The following CAMK1 variants were observed in gnomAD, a reference collection of about 807,000 sequenced individuals.
CAMK1 encodes calcium/calmodulin-dependent protein kinase type 1.
Under a neutral mutation model 49.1 loss-of-function variants are expected in CAMK1, and 39 were observed. The observed-to-expected ratio is 0.79, with a 90% CI of 0.62 to 1.04. CAMK1 has a LOEUF of 1.04. Ranked by LOEUF, CAMK1 falls within the 50% of genes least tolerant of loss-of-function variation. The pLI, the probability that CAMK1 is intolerant of heterozygous loss-of-function variation, is 0.00. For synonymous variants in CAMK1, 192 were observed against 185.2 expected (o/e 1.04, Z -0.30); for missense variants, 457 against 472.2 (o/e 0.97, Z 0.30).
chr3:9,757,777 G>A lies in CAMK1; in HGVS notation c.982C>T (p.Gln328Ter). Residue 328 changes from glutamine to a stop codon, truncating the protein, a stop_gained, in exon 11 of 12, where the codon CAG (glutamine) becomes TAG (stop). Coordinates refer to ENST00000256460, the MANE Select transcript of CAMK1 (RefSeq NM_003656.5). LOFTEE classifies it high-confidence loss of function. The surrounding 1 kb of genome is among the most constrained non-coding windows in gnomAD (Gnocchi z 4.5). The part of the protein sequence containing the change: ...KLQLGTSQEG[Q>*]GQTASHGELL... ...TCCCCATGGCTCGCCGTCTGCCCCT[G>A]CCCCTCCTGGCTGGTGCCCAGCTGC... 7 of 1,614,090 alleles carry A rather than the reference G, an allele frequency of 4.3e-6. No homozygotes were observed. Among genetic ancestry groups the A allele is most frequent in the Non-Finnish European group, 5.9e-6 (7 of 1,179,992 alleles).
At chr3:9,768,765 T>G (rs759257508) in intron 1 of CAMK1, among the ~76,000 whole-genome samples, 1 of 152,154 alleles carries the variant, frequency 6.6e-6, no homozygotes, top group African/African-American at 2.4e-5. Context: ...CCTTCTCTCT[T>G]TTTCTCTAAG....
intron 7 of CAMK1, chr3:9,761,160 C>G: frequency 2.8e-6 from 1 of 358,574 alleles, no homozygotes; most frequent in Non-Finnish European, 5.1e-6. Flanking sequence ...TATCACCTGA[C>G]GTCAGTTTGT....
At chr3:9,762,644 C>T (rs751862710) in intron 5 of CAMK1, among the ~76,000 whole-genome samples, 86 of 151,704 alleles carry the variant, frequency 5.7e-4, no homozygotes, top group Non-Finnish European at 9.4e-4. Context: ...GGATTACAGG[C>T]GTGAGCCATC....
At position 9,769,915 on chromosome 3, in the gene CAMK1, C is replaced by G. The variant is rs2078265574; in HGVS notation, c.-116G>C. On this transcript the variant is annotated 5_prime_UTR_variant, in exon 1 of 12. Transcript: ENST00000256460. ...TGGCCGCGGTCCTCACCGCTGCGTG[C>G]CTGGGCCACCCGCCCGCGCTCTTGC... 6.6e-6 allele frequency: 1 copy of G among 152,244 alleles called. No individual in the cohort carries two copies. The highest frequency in any genetic ancestry group is 2.1e-4 in the South Asian group (1 of 4,832). 9.4% of individuals were successfully genotyped at this position (152,244 alleles called of 1,614,324 possible).
chr3:9,762,809 C>T (rs777808889), intron 5 of CAMK1, 105 bp downstream of exon 5: 23 of 1,124,948 alleles, frequency 2.0e-5, no homozygotes, highest in Non-Finnish European at 2.9e-5. Flanking sequence ...GATGGAAATC[C>T]AAGGCTCAGT....
chr3:9,764,611 G>GTTTTTTTTT (rs1310854701), intron 3 of CAMK1, among the ~76,000 whole-genome samples: 2 of 125,148 alleles, frequency 1.6e-5, no homozygotes, highest in Non-Finnish European at 3.2e-5. Flanking sequence ...TGCGCCTGGC[G>GTTTTTTTTT]TTTTTGTTTT....
rs746178146 is a variant in CAMK1 at position 9,767,690 on chromosome 3, G to A, written c.60C>T (p.Tyr20=). ...ACGTGCCCAGAACATCTCGGAAGTC[G>A]TAGATGTCTCTAATGTCCTCCGCCT... The part of the protein sequence containing the change: ...WKQAEDIRDI[Y]DFRDVLGTGA... Residue 20 remains tyrosine, a synonymous_variant, in exon 2 of 12, where the codon TAC becomes TAT. Coordinates refer to ENST00000256460, the MANE Select transcript of CAMK1 (RefSeq NM_003656.5). The A allele has an allele frequency of 1.7e-5, 27 of 1,613,968 alleles. No homozygotes were observed. Among genetic ancestry groups the A allele is most frequent in the East Asian group, 4.5e-5 (2 of 44,880 alleles).
chr3:9,766,898 C>T (rs1030243556), intron 2 of CAMK1, among the ~76,000 whole-genome samples: 2 of 152,104 alleles, frequency 1.3e-5, no homozygotes, highest in African/African-American at 2.4e-5. Context: ...TAAGTGTCTC[C>T]CGGTGGCCTA....
chr3:9,757,379 C>A lies in CAMK1; in HGVS notation c.*160G>T. The A allele has an allele frequency of 6.2e-7, 1 of 1,613,158 alleles. No individual in the cohort carries two copies. Among genetic ancestry groups the A allele is most frequent in the Non-Finnish European group, 8.5e-7 (1 of 1,179,512 alleles). On this transcript the variant is annotated 3_prime_UTR_variant, in exon 12 of 12. Coordinates refer to ENST00000256460, the MANE Select transcript of CAMK1 (RefSeq NM_003656.5). This position sits in a 1 kb window ranked among gnomAD's most constrained non-coding sequence, Gnocchi z 4.5. ...ATCTTCCCTTTATTACAAGAAGGAA[C>A]AATAAAATAGAAACATTTGTATGGA... is the stretch of plus-strand genomic sequence containing the variant.
chr3:9,760,300 T>A (rs984948568), intron 8 of CAMK1: 1 of 230,228 alleles, frequency 4.3e-6, no homozygotes, highest in Non-Finnish European at 8.7e-6. Flanking sequence ...GCATTCACAC[T>A]GATGATAAAC....
At position 9,759,766 on chromosome 3, in the gene CAMK1, A is replaced by G. The variant is rs1352501416; in HGVS notation, c.746-16T>C. On this transcript the variant is annotated splice_polypyrimidine_tract_variant and intron_variant, in intron 8 of 11. Transcript: ENST00000256460. ...AAATCTTTGGCTAAACCCCCAAGAC[A>G]AAAGCAAAGATAATGACAGCATGGT... 2 of 1,614,144 alleles carry G rather than the reference A, an allele frequency of 1.2e-6. No individual in the cohort carries two copies. Among genetic ancestry groups the G allele is most frequent in the Admixed American group, 3.3e-5 (2 of 60,010 alleles).
At chr3:9,766,725 A>G (rs915268676) in intron 2 of CAMK1, 14 of 754,142 alleles carry the variant, frequency 1.9e-5, no homozygotes, top group Non-Finnish European at 2.3e-5. Context: ...ATAAGAAGTC[A>G]TAAGTCAAAG....
rs1344964841 is a variant in CAMK1, at chr3:9,763,245, C to T, written c.216-32G>A. On this transcript the variant is annotated intron_variant, in intron 3 of 11. Transcript: ENST00000256460. ...GGAGAAATGAGGTGGTTTAGCCAGG[C>T]ATGGCGGTGTGCACCTGTAGTCCAA... The T allele has an allele frequency of 3.7e-6, 6 of 1,613,164 alleles. No homozygotes were observed. The East Asian group carries it at 1.3e-4, about 36-fold the overall frequency.
At position 9,761,256 on chromosome 3, in the gene CAMK1, T is replaced by C. The variant is rs1181689057; in HGVS notation, c.632+205A>G. On this transcript the variant is annotated intron_variant, in intron 7 of 11. Transcript: ENST00000256460. ...GGCAGGCACTTTGTCTGGTTTGTGC[T>C]GTGCTAAATTTACCCCAGTGCTTGC... is the stretch of plus-strand genomic sequence containing the variant. The C allele has an allele frequency of 4.0e-5, 22 of 551,852 alleles. No homozygotes were observed. In the East Asian group the frequency reaches 6.4e-4, roughly 16 times the overall value. The allele number at this position is 551,852 out of a possible 1,614,324, so 34.2% of individuals were successfully genotyped here. A position where few individuals can be genotyped will look rare whatever the true frequency, so the allele number is the denominator to read the frequency against.
intron 8 of CAMK1, 146 bp from the exon 9 acceptor site, chr3:9,759,896 T>C: frequency 7.4e-7 from 1 of 1,353,848 alleles, no homozygotes; most frequent in Non-Finnish European, 1.0e-6. Context: ...CAACCTATGC[T>C]CTTCTTCAGG....
At chr3:9,762,891 C>A (rs1192589045) in intron 5 of CAMK1, 23 bp downstream of exon 5, 1 of 1,613,328 alleles carries the variant, frequency 6.2e-7, no homozygotes, top group South Asian at 1.1e-5. Context: ...TACCCTAGCT[C>A]ACCACACCCC....
At chr3:9,768,503 C>G (rs2078218315) in intron 1 of CAMK1, among the ~76,000 whole-genome samples, 1 of 152,164 alleles carries the variant, frequency 6.6e-6, no homozygotes, top group Admixed American at 6.5e-5. Flanking sequence ...GAGTTCTCTC[C>G]CATTTATCAG....
intron 5 of CAMK1, 62 bp from the exon 6 acceptor site, chr3:9,761,819 C>T: frequency 1.3e-6 from 2 of 1,592,670 alleles, no homozygotes; most frequent in Non-Finnish European, 1.7e-6. Flanking sequence ...GTAGAACCTT[C>T]TGCCGCTCCA....
intron 10 of CAMK1, chr3:9,758,787 G>C (rs540572867): frequency 8.0e-6 from 2 of 251,026 alleles, no homozygotes; most frequent in South Asian, 9.2e-5. Context: ...GCACCACCAT[G>C]TGTGGCTAAT....
Sources: allele counts gnomAD v4.1 joint callset (sites outside exome capture counted in the v4.1 genomes callset), GRCh38; gene constraint gnomAD v4.1.1; non-coding constraint Gnocchi (gnomAD v3.1); transcripts MANE v1.5; gene names NCBI Gene and HGNC (gene_info 2026-07-23, HGNC 2026-07-21).